The following ACSS2 variants were observed in gnomAD, a reference collection of about 807,000 sequenced individuals.
ACSS2 encodes the protein acyl-CoA synthetase short chain family member 2, also known as acetyl-coenzyme A synthetase, cytoplasmic.
Under a neutral mutation model 90.6 loss-of-function variants are expected in ACSS2, and 58 were observed. The ratio of observed to expected loss-of-function variants is 0.64; its 90% CI spans 0.52 to 0.80. ACSS2 has a LOEUF of 0.80. Among genes scored for constraint, ACSS2 ranks in the 30% least tolerant of loss-of-function variants. The pLI, the probability that ACSS2 is intolerant of heterozygous loss-of-function variation, is 0.00. For missense variants in ACSS2, 759 were observed against 912.0 expected, an observed-to-expected ratio of 0.83 and a Z score of 2.16; for synonymous variants, 300 against 330.9, an observed-to-expected ratio of 0.91 and a Z score of 1.01.
intron 13 of ACSS2, 182 bp from the exon 14 acceptor site, chr20:34,923,141 A>C: frequency 1.8e-6 from 1 of 555,134 alleles, no homozygotes; most frequent in Non-Finnish European, 3.3e-6. Flanking sequence ...CAGAGGGGTA[A>C]AGTTACTTCT....
chr20:34,880,385 AAAAC>A (rs956414086), intron 1 of ACSS2, among the ~76,000 whole-genome samples: 6 of 151,894 alleles, frequency 4.0e-5, no homozygotes, highest in Non-Finnish European at 8.8e-5. Flanking sequence ...CTGTTTCTAC[AAAAC>A]AAACAAACAA....
rs958687472 is a variant in ACSS2 at position 34,926,090 on chromosome 20, C to A, written c.1727-15C>A. 6.2e-7 allele frequency: 1 copy of A among 1,613,888 alleles called. No individual in the cohort carries two copies. Among genetic ancestry groups the A allele is most frequent in the Non-Finnish European group, 8.5e-7 (1 of 1,179,828 alleles). ...CCTGGGATCTCTCTCATGGCACTTC[C>A]TTTCCCTTGACAAGGACACCTGCTG... On this transcript the variant is annotated splice_polypyrimidine_tract_variant and intron_variant, in intron 15 of 17. Coordinates refer to ENST00000360596, the MANE Select transcript of ACSS2 (RefSeq NM_018677.4).
At chr20:34,906,775 G>C (rs1351057008) in intron 2 of ACSS2, among the ~76,000 whole-genome samples, 1 of 152,044 alleles carries the variant, frequency 6.6e-6, no homozygotes, top group Non-Finnish European at 1.5e-5. Context: ...CTGAGGTCAG[G>C]GGTGTGAGAC....
intron 1 of ACSS2, among the ~76,000 whole-genome samples, chr20:34,877,818 CAAAAAAAAAAAAAAAAAA>C (rs60819156): frequency 2.2e-5 from 2 of 91,218 alleles, no homozygotes; most frequent in South Asian, 6.4e-4. Flanking sequence ...GACTTTGTCT[CAAAAAAAAAAAAAAAAAA>C]AAAAAAAAAA....
intron 1 of ACSS2, among the ~76,000 whole-genome samples, chr20:34,878,364 G>A (rs897201564): frequency 3.3e-5 from 5 of 152,188 alleles, no homozygotes; most frequent in Admixed American, 2.6e-4. Context: ...TTACTGTGGG[G>A]TCTTAGGCAA....
chr20:34,926,498 G>A (rs928676385), intron 16 of ACSS2, among the ~76,000 whole-genome samples: 2 of 152,222 alleles, frequency 1.3e-5, no homozygotes, highest in African/African-American at 2.4e-5. Flanking sequence ...TTGTGCCACC[G>A]CTAGGCTAAG....
intron 10 of ACSS2, 71 bp downstream of exon 10, chr20:34,921,210 T>C: frequency 6.2e-7 from 1 of 1,609,448 alleles, no homozygotes. Context: ...GTACAGTCTC[T>C]TCTTTTCCAT....
chr20:34,916,316 C>A (rs1250023339), intron 7 of ACSS2, among the ~76,000 whole-genome samples: 1 of 152,182 alleles, frequency 6.6e-6, no homozygotes, highest in African/African-American at 2.4e-5. Context: ...GAACAAATTA[C>A]TTAAGCTCTC....
chr20:34,896,182 C>T (rs2080454566), intron 2 of ACSS2, among the ~76,000 whole-genome samples: 2 of 152,168 alleles, frequency 1.3e-5, no homozygotes. Context: ...GGCACCAAAG[C>T]CACTTTGGCC....
In ACSS2 at chr20:34,919,714, T is replaced by C. The variant is rs185274302; in HGVS notation, c.972+142T>C. On this transcript the variant is annotated intron_variant, in intron 8 of 17. Coordinates refer to ENST00000360596, the MANE Select transcript of ACSS2 (RefSeq NM_018677.4). Reference sequence around the variant, plus strand: ...GAGTTTTGGAAATGTAGCATTGTCTTTTCTAAATCAAATTAAGACATAAAT... The same window carrying C: ...GAGTTTTGGAAATGTAGCATTGTCTCTTCTAAATCAAATTAAGACATAAAT... 45 of 1,287,344 alleles carry C rather than the reference T, an allele frequency of 3.5e-5. 1 individual carries two copies. The African/African-American group carries it at 6.5e-4, about 19-fold the overall frequency. 79.7% of individuals were successfully genotyped at this position (1,287,344 alleles called of 1,614,324 possible).
Position 34,925,751 on chromosome 20 carries a change from A to C in ACSS2, c.1711A>C (p.Met571Leu). Residue 571 changes from methionine to leucine, a missense_variant, in exon 15 of 18, where the codon ATG becomes CTG. Transcript: ENST00000360596. Reference protein sequence around the residue: ...YYWITGRIDDMLNVSGHLLST... With the variant: ...YYWITGRIDDLLNVSGHLLST... ...CTGGATCACTGGCAGGATTGATGAC[A>C]TGCTCAATGTATCTGGTGAGGGCCA... 1 of 1,613,454 alleles carries C rather than the reference A, an allele frequency of 6.2e-7. No homozygotes were observed. Among genetic ancestry groups the C allele is most frequent in the Non-Finnish European group, 8.5e-7 (1 of 1,179,786 alleles).
rs4349415 is a variant in ACSS2, at chr20:34,914,416, G to A, written c.813G>A (p.Lys271=). The change falls in exon 7 of 18, where the codon AAG becomes AAA. Residue 271 remains lysine (K), a synonymous_variant. Transcript: ENST00000360596. ...CCACCAGCCAGTCCCCCCCAATTAA[G>A]AGGTCATGCCCAGATGTGCAGGTGA... ...GDSTSQSPPI[K]RSCPDVQISW... is the part of the protein sequence containing the mutation. 1 of 1,613,764 alleles carries A rather than the reference G, an allele frequency of 6.2e-7. No homozygotes were observed.
At chr20:34,901,933 G>T (rs1477171149) in intron 2 of ACSS2, among the ~76,000 whole-genome samples, 1 of 152,102 alleles carries the variant, frequency 6.6e-6, no homozygotes, top group Non-Finnish European at 1.5e-5. Flanking sequence ...GCTGCTCTTT[G>T]GTATCGCTAC....
rs1216590027 is a variant in ACSS2, at chr20:34,927,801, T to C, written c.*587T>C. 4 of 154,842 alleles carry C rather than the reference T, an allele frequency of 2.6e-5. No individual in the cohort carries two copies. The highest frequency in any genetic ancestry group is 4.8e-5 in the African/African-American group (2 of 41,422). The allele number at this position is 154,842 out of a possible 1,614,324, so 9.6% of individuals were successfully genotyped here. A position where few individuals can be genotyped will look rare whatever the true frequency, so the allele number is the denominator to read the frequency against. ...CTTCTTTGAAGGAGTAAATGTGTTT[T>C]GTTCCTAGGGCCAGAGGAGCTTGTC... On this transcript the variant is annotated 3_prime_UTR_variant, in exon 18 of 18. Coordinates refer to ENST00000360596, the MANE Select transcript of ACSS2 (RefSeq NM_018677.4). The surrounding 1 kb of genome is among the most constrained non-coding windows in gnomAD (Gnocchi z 4.2).
Position 34,923,319 on chromosome 20 carries a change from C to T in ACSS2, c.1549-4C>T, listed in dbSNP as rs764266542. 9 of 1,610,304 alleles carry T rather than the reference C, an allele frequency of 5.6e-6. No individual in the cohort carries two copies. Among genetic ancestry groups the T allele is most frequent in the Middle Eastern group, 3.3e-4 (2 of 6,078 alleles). The stretch of plus-strand genomic sequence containing the variant: ...GTGATCACTGTCCCTTCCTCACTCC[C>T]CAGGTGTTCAAGCAGCCCTGGCCAG... On this transcript the variant is annotated splice_polypyrimidine_tract_variant and splice_region_variant and intron_variant, in intron 13 of 17. Coordinates refer to ENST00000360596, the MANE Select transcript of ACSS2 (RefSeq NM_018677.4).
At chr20:34,897,319 C>A (rs1365973447) in intron 2 of ACSS2, among the ~76,000 whole-genome samples, 1 of 152,068 alleles carries the variant, frequency 6.6e-6, no homozygotes, top group Non-Finnish European at 1.5e-5. Flanking sequence ...TTCATCACCC[C>A]CAAAAGAAGT....
intron 2 of ACSS2, among the ~76,000 whole-genome samples, chr20:34,891,658 T>C (rs1393778882): frequency 6.6e-6 from 1 of 152,108 alleles, no homozygotes; most frequent in Non-Finnish European, 1.5e-5. Context: ...ATACCTGTTG[T>C]TGGGAACAGT....
chr20:34,907,141 A>G (rs903605692), intron 2 of ACSS2, among the ~76,000 whole-genome samples: 6 of 149,826 alleles, frequency 4.0e-5, no homozygotes, highest in African/African-American at 1.5e-4. Context: ...TTTTTTTGAG[A>G]CAGTCTTGCC....
chr20:34,913,540 G>A (rs1009097836), intron 4 of ACSS2, 44 bp downstream of exon 4: 3 of 1,568,434 alleles, frequency 1.9e-6, no homozygotes, highest in Admixed American at 1.7e-5. Context: ...GGGGGGTGGG[G>A]CTCTGGAGAA....
Sources: allele counts gnomAD v4.1 joint callset (sites outside exome capture counted in the v4.1 genomes callset), GRCh38; gene constraint gnomAD v4.1.1; non-coding constraint Gnocchi (gnomAD v3.1); transcripts MANE v1.5; gene names NCBI Gene and HGNC (gene_info 2026-07-23, HGNC 2026-07-21).